Variants in NAALADL2 observed in about 807,000 individuals in gnomAD.
The protein encoded by NAALADL2 is inactive N-acetylated-alpha-linked acidic dipeptidase-like protein 2.
Under a neutral mutation model 87.2 loss-of-function variants are expected in NAALADL2, and 76 were observed. That is an observed-to-expected ratio of 0.87 (90% CI 0.72 to 1.05). The LOEUF (loss-of-function observed/expected upper bound fraction) is 1.05, where lower values mean the gene tolerates loss of function less well. Among genes scored for constraint, NAALADL2 ranks in the 50% least tolerant of loss-of-function variants. The pLI, the probability that NAALADL2 is intolerant of heterozygous loss-of-function variation, is 0.00. For synonymous variants in NAALADL2, 354 were observed against 331.0 expected (o/e 1.07, Z -0.75); for missense variants, 1,089 against 945.8 (o/e 1.15, Z -1.99).
At chr3:174,962,893 T>G (rs1742322842) in intron 1 of NAALADL2, among the ~76,000 whole-genome samples, 1 of 152,132 alleles carries the variant, frequency 6.6e-6, no homozygotes, top group Non-Finnish European at 1.5e-5. Context: ...TAAAATGGCA[T>G]TATATTTGCA....
chr3:175,224,750 T>C (rs1743913309), intron 2 of NAALADL2, among the ~76,000 whole-genome samples: 1 of 152,218 alleles, frequency 6.6e-6, no homozygotes, highest in East Asian at 1.9e-4. Context: ...TCTTTCTTCA[T>C]GTATACAATA....
intron 6 of NAALADL2, among the ~76,000 whole-genome samples, chr3:175,461,252 A>G (rs554750092): frequency 6.6e-6 from 1 of 151,690 alleles, no homozygotes; most frequent in Admixed American, 6.6e-5. Flanking sequence ...CAGAGTGCTG[A>G]TTGGTGCATT....
At chr3:175,765,339 T>C (rs1748550872) in intron 13 of NAALADL2, among the ~76,000 whole-genome samples, 1 of 152,106 alleles carries the variant, frequency 6.6e-6, no homozygotes, top group Admixed American at 6.6e-5. Context: ...TTTCCATTTC[T>C]AAAAGGAGCA....
intron 1 of NAALADL2, among the ~76,000 whole-genome samples, chr3:174,525,542 T>C (rs993300796): frequency 3.9e-5 from 6 of 152,162 alleles, no homozygotes; most frequent in African/African-American, 1.4e-4. Flanking sequence ...TTCACCCCCA[T>C]GATCCAGTCA....
At chr3:174,601,286 A>G (rs1718436107) in intron 2 of NAALADL2, among the ~76,000 whole-genome samples, 1 of 152,136 alleles carries the variant, frequency 6.6e-6, no homozygotes, top group Non-Finnish European at 1.5e-5. Flanking sequence ...CTTTTTCTCC[A>G]CATCCTCACC....
At chr3:174,808,912 G>A (rs182225755) in intron 3 of NAALADL2, among the ~76,000 whole-genome samples, 1 of 151,960 alleles carries the variant, frequency 6.6e-6, no homozygotes. Flanking sequence ...AATCTATCCA[G>A]ACTTTGAAAT....
At chr3:175,364,996 A>G (rs1311788281) in intron 5 of NAALADL2, among the ~76,000 whole-genome samples, 1 of 147,726 alleles carries the variant, frequency 6.8e-6, no homozygotes, top group Non-Finnish European at 1.5e-5. Context: ...AGTGTATGAA[A>G]ATAATCTTTC....
intron 3 of NAALADL2, among the ~76,000 whole-genome samples, chr3:174,780,781 T>G (rs1030572311): frequency 2.0e-5 from 3 of 152,084 alleles, no homozygotes; most frequent in Non-Finnish European, 2.9e-5. Context: ...AATTTACATT[T>G]AAAGTTAATA....
At chr3:174,597,819 G>T (rs757622698) in intron 2 of NAALADL2, among the ~76,000 whole-genome samples, 1 of 152,144 alleles carries the variant, frequency 6.6e-6, no homozygotes, top group Non-Finnish European at 1.5e-5. Flanking sequence ...ACTCAGAGGA[G>T]TTTCCTACTG....
At chr3:174,794,176 A>G (rs1204912163) in intron 3 of NAALADL2, among the ~76,000 whole-genome samples, 1 of 152,084 alleles carries the variant, frequency 6.6e-6, no homozygotes, top group South Asian at 2.1e-4. Flanking sequence ...AGACTTTTAA[A>G]TATATTTAGT....
intron 2 of NAALADL2, among the ~76,000 whole-genome samples, chr3:175,185,332 G>T (rs1397890113): frequency 6.6e-6 from 1 of 151,974 alleles, no homozygotes; most frequent in Non-Finnish European, 1.5e-5. Context: ...TGCACAAGAT[G>T]TATGCAAAAT....
chr3:175,591,917 C>G (rs2149606335), intron 10 of NAALADL2, among the ~76,000 whole-genome samples: 1 of 151,146 alleles, frequency 6.6e-6, no homozygotes, highest in Non-Finnish European at 1.5e-5. Flanking sequence ...TGAAGTAAAC[C>G]TCAAGAGTAA....
chr3:174,779,627 A>G (rs1715684460), intron 3 of NAALADL2, among the ~76,000 whole-genome samples: 1 of 152,154 alleles, frequency 6.6e-6, no homozygotes. Context: ...TAAGTCTTTA[A>G]TCCATCTTGA....
At chr3:174,832,370 A>C (rs976782566) in intron 3 of NAALADL2, among the ~76,000 whole-genome samples, 1 of 152,028 alleles carries the variant, frequency 6.6e-6, no homozygotes, top group Non-Finnish European at 1.5e-5. Context: ...TTATGTACCC[A>C]GTAGTCATTC....
intron 5 of NAALADL2, among the ~76,000 whole-genome samples, chr3:175,437,167 G>A (rs1003069918): frequency 6.6e-6 from 1 of 151,736 alleles, no homozygotes; most frequent in Non-Finnish European, 1.5e-5. Flanking sequence ...TTGTAGGTAT[G>A]TGGCGTTATT....
chr3:175,298,485 AAG>A (rs1299372475), intron 4 of NAALADL2, among the ~76,000 whole-genome samples: 13 of 152,238 alleles, frequency 8.5e-5, no homozygotes, highest in African/African-American at 3.1e-4. Flanking sequence ...AATCTCATAA[AAG>A]AGAGAATAAA....
At chr3:175,799,491 G>A (rs964631957) in intron 13 of NAALADL2, among the ~76,000 whole-genome samples, 1 of 151,932 alleles carries the variant, frequency 6.6e-6, no homozygotes, top group Admixed American at 6.6e-5. Flanking sequence ...TGTTTGATAT[G>A]TATCCTGGCA....
intron 10 of NAALADL2, among the ~76,000 whole-genome samples, chr3:175,587,986 A>T (rs1189003249): frequency 6.6e-6 from 1 of 152,072 alleles, no homozygotes; most frequent in Non-Finnish European, 1.5e-5. Flanking sequence ...TGTGCAGGGA[A>T]TTCTGAGATC....
intron 3 of NAALADL2, among the ~76,000 whole-genome samples, chr3:174,845,681 C>T (rs1392286767): frequency 6.6e-6 from 1 of 152,112 alleles, no homozygotes; most frequent in Non-Finnish European, 1.5e-5. Context: ...GGTTGTTGAG[C>T]CAGGGGTGGG....
Sources: allele counts gnomAD v4.1 joint callset (sites outside exome capture counted in the v4.1 genomes callset), GRCh38; gene constraint gnomAD v4.1.1; transcripts MANE v1.5; gene names NCBI Gene and HGNC (gene_info 2026-07-23, HGNC 2026-07-21).